Variants in PCDHGB1 observed in about 807,000 individuals in gnomAD.
The protein encoded by PCDHGB1 is protocadherin gamma subfamily B, 1.
In PCDHGB1, 34 loss-of-function variants were observed where a neutral mutation model predicts 56.6. The ratio of observed to expected loss-of-function variants is 0.60; its 90% CI spans 0.46 to 0.80. PCDHGB1 has a LOEUF of 0.80. Among genes scored for constraint, PCDHGB1 ranks in the 30% least tolerant of loss-of-function variants. The pLI is 0.00. For missense variants in PCDHGB1, 1,278 were observed against 1,204.6 expected (o/e 1.06, Z -0.90); for synonymous variants, 561 against 505.9 (o/e 1.11, Z -1.46).
chr5:141,421,102 T>A (rs1420706532), intron 1 of PCDHGB1: 2 of 691,286 alleles, frequency 2.9e-6, no homozygotes, highest in Admixed American at 6.2e-5. Context: ...CACTGGAGAC[T>A]TAGAAGTATT....
intron 1 of PCDHGB1, chr5:141,364,279 G>A: frequency 1.3e-6 from 2 of 1,515,964 alleles, no homozygotes; most frequent in Non-Finnish European, 1.8e-6. Flanking sequence ...AGATAAATAA[G>A]GAAACAGCAG....
intron 2 of PCDHGB1, among the ~76,000 whole-genome samples, chr5:141,497,501 C>T (rs1268186916): frequency 6.6e-6 from 1 of 151,182 alleles, no homozygotes; most frequent in Non-Finnish European, 1.5e-5. Flanking sequence ...TCTCTCCTCT[C>T]TCTGCTTCCT....
chr5:141,388,886 A>G (rs542218864), intron 1 of PCDHGB1: 1 of 1,613,988 alleles, frequency 6.2e-7, no homozygotes, highest in Non-Finnish European at 8.5e-7. Flanking sequence ...TGGAGGTAGA[A>G]GTCATAGATG....
intron 1 of PCDHGB1, among the ~76,000 whole-genome samples, chr5:141,449,848 T>C (rs7713034): frequency 0.29 from 44,283 of 151,474 alleles, 7,514 homozygotes; most frequent in African/African-American, 0.48. Flanking sequence ...AATTAAATTT[T>C]AATAATAAAA....
At chr5:141,428,185 G>A (rs775261215) in intron 1 of PCDHGB1, 1 of 1,446,348 alleles carries the variant, frequency 6.9e-7, no homozygotes, top group Admixed American at 1.8e-5. Context: ...GAGGACAGCC[G>A]CCGCTCTCTG....
intron 1 of PCDHGB1, among the ~76,000 whole-genome samples, chr5:141,453,225 C>T (rs2098758997): frequency 6.6e-6 from 1 of 152,044 alleles, no homozygotes; most frequent in African/African-American, 2.4e-5. Context: ...GCGATCCTCC[C>T]ACCTCAGCCT....
chr5:141,421,403 A>G, intron 1 of PCDHGB1: 1 of 1,614,054 alleles, frequency 6.2e-7, no homozygotes, highest in Non-Finnish European at 8.5e-7. Context: ...GAGCCCCGGG[A>G]GCTGGCGAAG....
At position 141,379,353 on chromosome 5, in the gene PCDHGB1, T is replaced by A. The variant is rs536207884; in HGVS notation, c.2409+26684T>A. The A allele has an allele frequency of 1.4e-4, 22 of 152,338 alleles. No individual in the cohort carries two copies. In the South Asian group the frequency reaches 4.6e-3, roughly 32 times the overall value. 9.4% of individuals were successfully genotyped at this position (152,338 alleles called of 1,614,324 possible). A position where few individuals can be genotyped will look rare whatever the true frequency, so the allele number is the denominator to read the frequency against. The stretch of plus-strand genomic sequence containing the variant: ...CATCTTCAAAGCTCATTTTCTTGTA[T>A]CTTTGTGATATAATTTGATAAAATA... On this transcript the variant is annotated intron_variant, in intron 1 of 3. Coordinates refer to ENST00000523390, the MANE Select transcript of PCDHGB1 (RefSeq NM_018922.3).
At chr5:141,384,386 T>C in intron 1 of PCDHGB1, 1 of 1,613,954 alleles carries the variant, frequency 6.2e-7, no homozygotes, top group Non-Finnish European at 8.5e-7. Flanking sequence ...GAAGACACCA[T>C]CCAGGGGGCT....
intron 1 of PCDHGB1, chr5:141,378,704 G>A (rs1775100637): frequency 6.6e-6 from 1 of 152,054 alleles, no homozygotes. Flanking sequence ...AGACAATAAG[G>A]CTTTCATCAT....
Position 141,491,992 on chromosome 5 carries a change from T to G in PCDHGB1, c.2410-2815T>G. ...GGCCTCCTTCGAGCTTCCGGTGAAT[T>G]TCGGGCGATTTCCGCGGGTGTCGGG... On this transcript the variant is annotated intron_variant, in intron 1 of 3. Transcript: ENST00000523390. This position sits in a 1 kb window ranked among gnomAD's most constrained non-coding sequence, Gnocchi z 6.9. The G allele has an allele frequency of 1.5e-6, 1 of 684,982 alleles. No homozygotes were observed. The highest frequency in any genetic ancestry group is 2.3e-6 in the Non-Finnish European group (1 of 443,370). The allele number at this position is 684,982 out of a possible 1,614,324, so 42.4% of individuals were successfully genotyped here.
chr5:141,476,697 C>T lies in PCDHGB1; in HGVS notation c.2410-18110C>T, dbSNP rs758302668. The T allele has an allele frequency of 2.5e-6, 4 of 1,614,110 alleles. No individual in the cohort carries two copies. The highest frequency in any genetic ancestry group is 2.2e-5 in the South Asian group (2 of 91,088). The stretch of plus-strand genomic sequence containing the variant: ...ACGCGGGAGGACAGCACCAAGTACG[C>T]GGAGCTGGTGTTGGAGCGCGCCCTG... On this transcript the variant is annotated intron_variant, in intron 1 of 3. Coordinates refer to ENST00000523390, the MANE Select transcript of PCDHGB1 (RefSeq NM_018922.3). The surrounding 1 kb of genome is among the most constrained non-coding windows in gnomAD (Gnocchi z 7.6).
chr5:141,398,747 A>G (rs1046077050), intron 1 of PCDHGB1: 5 of 1,613,378 alleles, frequency 3.1e-6, no homozygotes, highest in Non-Finnish European at 4.2e-6. Flanking sequence ...CAACAGAGTT[A>G]CCATCGTTTA....
chr5:141,373,423 T>G (rs992122154), intron 1 of PCDHGB1, among the ~76,000 whole-genome samples: 1 of 152,214 alleles, frequency 6.6e-6, no homozygotes, highest in Non-Finnish European at 1.5e-5. Flanking sequence ...CTCGGGAGGC[T>G]GAGGTGGGAG....
chr5:141,375,138 G>A (rs778788428), intron 1 of PCDHGB1: 2 of 1,613,922 alleles, frequency 1.2e-6, no homozygotes. Context: ...GTTACATCTG[G>A]AAGCAGAACA....
At chr5:141,380,618 G>A (rs531927290) in intron 1 of PCDHGB1, among the ~76,000 whole-genome samples, 15 of 152,210 alleles carry the variant, frequency 9.9e-5, no homozygotes, top group South Asian at 4.1e-4. Flanking sequence ...TATGATGTTC[G>A]ATAACTTAGA....
At chr5:141,429,169 T>TACATACACACACACACAC (rs369570830) in intron 1 of PCDHGB1, 115 of 145,474 alleles carry the variant, frequency 7.9e-4, no homozygotes, top group African/African-American at 2.1e-3. Flanking sequence ...ACATTGTTTA[T>TACATACACACACACACAC]ACACACACAC....
rs1205836590 is a variant in PCDHGB1 at position 141,476,270 on chromosome 5, G to A, written c.2410-18537G>A. The A allele has an allele frequency of 6.2e-7, 1 of 1,614,088 alleles. No individual in the cohort carries two copies. Among genetic ancestry groups the A allele is most frequent in the Admixed American group, 1.7e-5 (1 of 60,026 alleles). Reference sequence around the variant, plus strand: ...GGGTTTCGCTGTGGGCAACGTGGTCGCGAACCTTGGTTTGGATCTCGGTAG... The same window carrying A: ...GGGTTTCGCTGTGGGCAACGTGGTCACGAACCTTGGTTTGGATCTCGGTAG... On this transcript the variant is annotated intron_variant, in intron 1 of 3. Transcript: ENST00000523390. The surrounding 1 kb of genome is among the most constrained non-coding windows in gnomAD (Gnocchi z 7.6).
At chr5:141,394,875 A>G in intron 1 of PCDHGB1, 3 of 1,613,722 alleles carry the variant, frequency 1.9e-6, no homozygotes, top group Non-Finnish European at 8.5e-7. Flanking sequence ...GAACGATTCG[A>G]GCCTTACACT....
Sources: allele counts gnomAD v4.1 joint callset (sites outside exome capture counted in the v4.1 genomes callset), GRCh38; gene constraint gnomAD v4.1.1; non-coding constraint Gnocchi (gnomAD v3.1); transcripts MANE v1.5; gene names NCBI Gene and HGNC (gene_info 2026-07-23, HGNC 2026-07-21).